FRMPD2: variants seen among roughly 807,000 people sequenced by gnomAD.
The protein encoded by FRMPD2 is FERM and PDZ domain-containing protein 2.
FRMPD2 carries 96 observed loss-of-function variants against 140.1 expected under a neutral mutation model. The ratio of observed to expected loss-of-function variants is 0.69; its 90% CI spans 0.58 to 0.81. The LOEUF is 0.81. FRMPD2 is among the 40% of genes least tolerant of loss of function. FRMPD2 has a pLI of 0.00. For synonymous variants in FRMPD2, 449 were observed against 547.6 expected (o/e 0.82, Z 2.52); for missense variants, 1,240 against 1,447.4 (o/e 0.86, Z 2.32).
chr10:48,223,084 A>T, intron 11 of FRMPD2, 39 bp downstream of exon 11: 3 of 1,577,276 alleles, frequency 1.9e-6, no homozygotes, highest in Non-Finnish European at 2.6e-6. Flanking sequence ...ACATACATAA[A>T]TCCCTTAAGG....
intron 21 of FRMPD2, among the ~76,000 whole-genome samples, chr10:48,178,546 A>G (rs1207687140): frequency 6.6e-6 from 1 of 152,204 alleles, no homozygotes; most frequent in Non-Finnish European, 1.5e-5. Flanking sequence ...TGAACAACGA[A>G]GCCTCAACTG....
At chr10:48,234,008 C>G (rs540362951) in intron 9 of FRMPD2, among the ~76,000 whole-genome samples, 1 of 152,254 alleles carries the variant, frequency 6.6e-6, no homozygotes, top group Non-Finnish European at 1.5e-5. Flanking sequence ...AAGCATCTCA[C>G]CCACCCAGCT....
intron 10 of FRMPD2, among the ~76,000 whole-genome samples, chr10:48,227,363 G>C (rs558693671): frequency 1.3e-5 from 2 of 152,304 alleles, no homozygotes; most frequent in East Asian, 1.9e-4. Context: ...GTCTCCACCA[G>C]CTGGGTGGTG....
At chr10:48,221,023 C>A (rs1185583137) in intron 12 of FRMPD2, among the ~76,000 whole-genome samples, 1 of 152,114 alleles carries the variant, frequency 6.6e-6, no homozygotes, top group African/African-American at 2.4e-5. Context: ...CTATGGAAAG[C>A]AGTGTGGAGA....
At chr10:48,187,147 G>T (rs761649143) in intron 17 of FRMPD2, 45 bp downstream of exon 17, 2 of 1,360,876 alleles carry the variant, frequency 1.5e-6, no homozygotes, top group Admixed American at 1.9e-5. Context: ...AGCTTCCTGC[G>T]TAGGGGTTCC....
At chr10:48,230,691 C>T (rs1453596487) in intron 10 of FRMPD2, among the ~76,000 whole-genome samples, 1 of 152,240 alleles carries the variant, frequency 6.6e-6, no homozygotes, top group African/African-American at 2.4e-5. Flanking sequence ...TGTTATCTGA[C>T]TGTAGCCCTG....
intron 1 of FRMPD2, among the ~76,000 whole-genome samples, chr10:48,268,333 A>T (rs1216485866): frequency 2.0e-5 from 3 of 152,238 alleles, no homozygotes; most frequent in Non-Finnish European, 2.9e-5. Flanking sequence ...GTTTCTTTTT[A>T]AAAAAGAGAA....
chr10:48,229,504 A>G (rs903416523), intron 10 of FRMPD2, among the ~76,000 whole-genome samples: 3 of 152,208 alleles, frequency 2.0e-5, no homozygotes, highest in African/African-American at 7.2e-5. Context: ...TCACCTTGTA[A>G]AAGAGGTGTT....
At chr10:48,235,110 C>T (rs1449926068) in intron 9 of FRMPD2, among the ~76,000 whole-genome samples, 1 of 152,174 alleles carries the variant, frequency 6.6e-6, no homozygotes, top group Non-Finnish European at 1.5e-5. Context: ...AAGCCCCATA[C>T]AGGAAGTGTC....
intron 1 of FRMPD2, among the ~76,000 whole-genome samples, chr10:48,270,460 G>T (rs372806704): frequency 3.3e-5 from 5 of 152,262 alleles, no homozygotes; most frequent in African/African-American, 7.2e-5. Context: ...AAAGATATTT[G>T]CCATGGTATT....
In FRMPD2 at chr10:48,175,949, A is replaced by T; in HGVS notation, c.2896-10T>A. 6.2e-7 allele frequency: 1 copy of T among 1,604,148 alleles called. No homozygotes were observed. The highest frequency in any genetic ancestry group is 8.5e-7 in the Non-Finnish European group (1 of 1,172,688). ...TGGTGTTAATGCCACCCTGAAAAAC[A>T]CAACAAAAAACTCACCACCCATCTT... On this transcript the variant is annotated splice_polypyrimidine_tract_variant and intron_variant, in intron 22 of 28. Transcript: ENST00000374201.
At position 48,174,847 on chromosome 10, in the gene FRMPD2, C is replaced by T. The variant is rs782246706; in HGVS notation, c.3075+23G>A. The T allele has an allele frequency of 1.8e-5, 11 of 624,948 alleles. 1 individual carries two copies. The East Asian group carries it at 2.2e-4, about 13-fold the overall frequency. 38.7% of individuals were successfully genotyped at this position (624,948 alleles called of 1,614,324 possible). A position where few individuals can be genotyped will look rare whatever the true frequency, so the allele number is the denominator to read the frequency against. On this transcript the variant is annotated intron_variant, in intron 24 of 28. Transcript: ENST00000374201. ...AGGAAAGTTCCGGAAGGAGGGGAAG[C>T]TGGTCAGCAACAGTCCACTCACCTG...
chr10:48,255,227 G>T (rs1034409615), intron 1 of FRMPD2, among the ~76,000 whole-genome samples: 2 of 152,126 alleles, frequency 1.3e-5, no homozygotes, highest in African/African-American at 4.8e-5. Flanking sequence ...TGCCATTGGA[G>T]ATCCCACTAG....
At chr10:48,261,011 C>T (rs895721798) in intron 1 of FRMPD2, among the ~76,000 whole-genome samples, 10 of 152,082 alleles carry the variant, frequency 6.6e-5, no homozygotes, top group South Asian at 2.1e-4. Context: ...ATGAAGAATG[C>T]CTTTGGTGGG....
At chr10:48,239,261 G>A (rs1040613564) in intron 7 of FRMPD2, among the ~76,000 whole-genome samples, 1 of 152,216 alleles carries the variant, frequency 6.6e-6, no homozygotes, top group African/African-American at 2.4e-5. Flanking sequence ...ATTCATAATT[G>A]TTGCTTTTAG....
intron 12 of FRMPD2, among the ~76,000 whole-genome samples, chr10:48,215,979 C>T (rs61840045): frequency 0.034 from 5,231 of 152,264 alleles, 113 homozygotes; most frequent in Non-Finnish European, 0.042. Context: ...AGTGAATGTA[C>T]CTCATTCAAT....
chr10:48,242,089 ATAAC>A, intron 5 of FRMPD2, 68 bp downstream of exon 5: 2 of 1,059,342 alleles, frequency 1.9e-6, no homozygotes, highest in Non-Finnish European at 2.7e-6. Context: ...TAATGATAAT[ATAAC>A]TAATTCAAAT....
intron 14 of FRMPD2, among the ~76,000 whole-genome samples, chr10:48,204,258 T>G (rs1410483057): frequency 6.6e-6 from 1 of 152,228 alleles, no homozygotes; most frequent in Non-Finnish European, 1.5e-5. Flanking sequence ...AGGGATATAC[T>G]CTATAATTGT....
rs1437152351 is a variant in FRMPD2, at chr10:48,184,700, CT to C, written c.2468-19del. 6.3e-7 allele frequency: 1 copy of C among 1,594,922 alleles called. No homozygotes were observed. Among genetic ancestry groups the C allele is most frequent in the African/African-American group, 1.3e-5 (1 of 74,428 alleles). On this transcript the variant is annotated intron_variant, in intron 19 of 28. Coordinates refer to ENST00000374201, the MANE Select transcript of FRMPD2 (RefSeq NM_001018071.4). ...CTGCCCTCCTAGAAAAATAAAACAT[CT>C]CAATAATCCTTCAAGGAAATAAAAA...
Sources: allele counts gnomAD v4.1 joint callset (sites outside exome capture counted in the v4.1 genomes callset), GRCh38; gene constraint gnomAD v4.1.1; transcripts MANE v1.5; gene names NCBI Gene and HGNC (gene_info 2026-07-23, HGNC 2026-07-21).